VSNL1: variants seen among roughly 807,000 people sequenced by gnomAD.
The protein encoded by VSNL1 is visinin-like protein 1.
A neutral mutation model predicts 20.4 loss-of-function variants in VSNL1; 6 were observed. That is an observed-to-expected ratio of 0.29 (90% CI 0.16 to 0.58). The LOEUF (loss-of-function observed/expected upper bound fraction) is 0.58, where lower values mean the gene tolerates loss of function less well. VSNL1 is among the 20% of genes least tolerant of loss of function. The pLI, the probability that VSNL1 is intolerant of heterozygous loss-of-function variation, is 0.90. For missense variants in VSNL1, 100 were observed against 234.5 expected, an observed-to-expected ratio of 0.43 and a Z score of 3.75; for synonymous variants, 93 against 86.4, an observed-to-expected ratio of 1.08 and a Z score of -0.42.
chr2:17,628,965 T>C (rs183682822), intron 2 of VSNL1, among the ~76,000 whole-genome samples: 1 of 152,340 alleles, frequency 6.6e-6, no homozygotes, highest in Admixed American at 6.5e-5. Flanking sequence ...TCTCTGTGCT[T>C]CAAAACTCCT....
chr2:17,600,744 T>C (rs1042769104), intron 2 of VSNL1, among the ~76,000 whole-genome samples: 1 of 152,192 alleles, frequency 6.6e-6, no homozygotes, highest in East Asian at 1.9e-4. Flanking sequence ...GTGAGGATGT[T>C]GCAATTTTTA....
intron 1 of VSNL1, among the ~76,000 whole-genome samples, chr2:17,548,822 G>A (rs973282522): frequency 2.0e-5 from 3 of 152,124 alleles, no homozygotes; most frequent in East Asian, 1.9e-4. Flanking sequence ...CCTAGAAAGC[G>A]TGTGCTAACT....
intron 1 of VSNL1, among the ~76,000 whole-genome samples, chr2:17,573,507 AGAG>A (rs1664129574): frequency 6.6e-6 from 1 of 152,224 alleles, no homozygotes; most frequent in Admixed American, 6.5e-5. Context: ...GGAGAACAGA[AGAG>A]GAATTCATGG....
intron 2 of VSNL1, among the ~76,000 whole-genome samples, chr2:17,622,539 A>AGAAG (rs1491359296): frequency 0.021 from 794 of 37,862 alleles, 13 homozygotes; most frequent in Middle Eastern, 0.049. Flanking sequence ...AAGAAAAGAA[A>AGAAG]GAAAGAAAGA....
intron 2 of VSNL1, among the ~76,000 whole-genome samples, chr2:17,648,446 A>C (rs1441893445): frequency 6.6e-6 from 1 of 152,220 alleles, no homozygotes; most frequent in East Asian, 1.9e-4. Flanking sequence ...ACGAAGGAAA[A>C]GGGATATCAA....
chr2:17,645,336 C>A (rs1234321909), intron 2 of VSNL1, among the ~76,000 whole-genome samples: 1 of 152,270 alleles, frequency 6.6e-6, no homozygotes, highest in Non-Finnish European at 1.5e-5. Context: ...GGCTGGAGAA[C>A]TTCTTGGGGA....
At chr2:17,607,971 AT>A (rs772370389) in intron 2 of VSNL1, among the ~76,000 whole-genome samples, 4 of 152,212 alleles carry the variant, frequency 2.6e-5, no homozygotes, top group Non-Finnish European at 5.9e-5. Flanking sequence ...TAGCTAGCTA[AT>A]TTTCTTATGA....
chr2:17,613,441 C>A (rs1003711504), intron 2 of VSNL1, among the ~76,000 whole-genome samples: 2 of 152,208 alleles, frequency 1.3e-5, no homozygotes, highest in African/African-American at 2.4e-5. Context: ...GGCCACAGGA[C>A]AGCAAACAGA....
chr2:17,613,741 T>A (rs13021499), intron 2 of VSNL1, among the ~76,000 whole-genome samples: 37,557 of 152,190 alleles, frequency 0.25, 6,053 homozygotes, highest in Middle Eastern at 0.49. Flanking sequence ...CCAGACCTCA[T>A]TCACCCATCT....
At chr2:17,604,841 ATATTTTTTAT>A (rs1664907509) in intron 2 of VSNL1, among the ~76,000 whole-genome samples, 1 of 152,100 alleles carries the variant, frequency 6.6e-6, no homozygotes, top group Non-Finnish European at 1.5e-5. Flanking sequence ...TTTCTCCTGT[ATATTTTTTAT>A]TACTAAATGG....
chr2:17,594,221 A>G (rs1440755407), intron 2 of VSNL1, among the ~76,000 whole-genome samples: 1 of 152,186 alleles, frequency 6.6e-6, no homozygotes, highest in Non-Finnish European at 1.5e-5. Flanking sequence ...CCACCTCCCC[A>G]TCTCACTCCT....
chr2:17,570,350 C>T (rs1664051337), intron 1 of VSNL1, among the ~76,000 whole-genome samples: 1 of 152,132 alleles, frequency 6.6e-6, no homozygotes, highest in Non-Finnish European at 1.5e-5. Flanking sequence ...AGCCCTATAC[C>T]AATCATGTTT....
intron 1 of VSNL1, among the ~76,000 whole-genome samples, chr2:17,557,215 T>G (rs1279220811): frequency 6.6e-6 from 1 of 152,194 alleles, no homozygotes; most frequent in African/African-American, 2.4e-5. Context: ...ATCAGAAAAT[T>G]TGTGGTCTCT....
chr2:17,627,095 C>T (rs1665528033), intron 2 of VSNL1, among the ~76,000 whole-genome samples: 1 of 152,194 alleles, frequency 6.6e-6, no homozygotes, highest in Non-Finnish European at 1.5e-5. Context: ...AATGCAAATC[C>T]ACGCCAAGGA....
At chr2:17,623,001 G>A (rs1225388259) in intron 2 of VSNL1, among the ~76,000 whole-genome samples, 4 of 152,116 alleles carry the variant, frequency 2.6e-5, no homozygotes, top group Admixed American at 1.3e-4. Flanking sequence ...TTGTGGGGTG[G>A]GTTAGAGATT....
chr2:17,566,283 C>A (rs1057137910), intron 1 of VSNL1, among the ~76,000 whole-genome samples: 2 of 152,154 alleles, frequency 1.3e-5, no homozygotes, highest in African/African-American at 4.8e-5. Flanking sequence ...ATTGCCAGAT[C>A]ATGCTCTATA....
chr2:17,626,873 G>C (rs1665520856), intron 2 of VSNL1, among the ~76,000 whole-genome samples: 1 of 152,224 alleles, frequency 6.6e-6, no homozygotes. Flanking sequence ...GCGGCTCTCA[G>C]ATGCCAGCCC....
Position 17,592,328 on chromosome 2 carries a change from T to C in VSNL1, c.162+92T>C, listed in dbSNP as rs1008797652. The stretch of plus-strand genomic sequence containing the variant: ...CCTCACATGGAATTATAACTCTAAG[T>C]AGCTAGTTTGTTTCAACTCTGGCTG... On this transcript the variant is annotated intron_variant, in intron 2 of 3. Coordinates refer to ENST00000295156, the MANE Select transcript of VSNL1 (RefSeq NM_003385.5). 5 of 1,360,798 alleles carry C rather than the reference T, an allele frequency of 3.7e-6. No homozygotes were observed. In the Admixed American group the frequency reaches 6.3e-5, roughly 17 times the overall value. The allele number at this position is 1,360,798 out of a possible 1,614,324, so 84.3% of individuals were successfully genotyped here.
chr2:17,615,106 CAT>C (rs1665185278), intron 2 of VSNL1, among the ~76,000 whole-genome samples: 1 of 152,274 alleles, frequency 6.6e-6, no homozygotes, highest in South Asian at 2.1e-4. Flanking sequence ...GTATCCATGA[CAT>C]GTCATTAAAT....
Sources: gnomAD v4.1 joint callset for allele counts (sites outside exome capture counted in the v4.1 genomes callset) on GRCh38, gnomAD v4.1.1 for gene constraint, MANE v1.5 for transcripts, NCBI Gene and HGNC (gene_info 2026-07-23, HGNC 2026-07-21) for gene names.